PCDHA5: variants seen among roughly 807,000 people sequenced by gnomAD.
PCDHA5 encodes the protein protocadherin alpha-5.
Under a neutral mutation model 61.6 loss-of-function variants are expected in PCDHA5, and 43 were observed. That is an observed-to-expected ratio of 0.70 (90% confidence interval 0.55 to 0.90). PCDHA5 has a LOEUF of 0.90. Ranked by LOEUF, PCDHA5 falls within the 40% of genes least tolerant of loss-of-function variation. The pLI is 0.00. For missense variants in PCDHA5, 1,298 were observed against 1,222.7 expected, an observed-to-expected ratio of 1.06 and a Z score of -0.92; for synonymous variants, 627 against 543.9, an observed-to-expected ratio of 1.15 and a Z score of -2.13.
intron 3 of PCDHA5, among the ~76,000 whole-genome samples, chr5:140,993,036 GTCA>G (rs1415732601): frequency 6.6e-6 from 1 of 152,182 alleles, no homozygotes; most frequent in Non-Finnish European, 1.5e-5. Flanking sequence ...GGCTCCGTGT[GTCA>G]TCAAGATGTC....
At chr5:140,828,699 A>C (rs2150158011) in intron 1 of PCDHA5, 16 of 1,614,132 alleles carry the variant, frequency 9.9e-6, no homozygotes, top group Non-Finnish European at 1.4e-5. Flanking sequence ...TTGGACAGAG[A>C]GGAAGCTCCT....
At chr5:140,928,074 C>T (rs781992001) in intron 1 of PCDHA5, 1 of 1,614,216 alleles carries the variant, frequency 6.2e-7, no homozygotes, top group Admixed American at 1.7e-5. Flanking sequence ...TTGACAACTA[C>T]TACAGCCTGC....
chr5:140,941,373 G>A (rs576282436), intron 1 of PCDHA5, among the ~76,000 whole-genome samples: 2 of 134,082 alleles, frequency 1.5e-5, no homozygotes, highest in South Asian at 5.1e-4. Flanking sequence ...CTGGAGTGTA[G>A]TGACAGGATT....
chr5:140,908,836 T>C (rs1206116511), intron 1 of PCDHA5, among the ~76,000 whole-genome samples: 4 of 152,200 alleles, frequency 2.6e-5, no homozygotes, highest in African/African-American at 9.7e-5. Flanking sequence ...ATAAATGGGC[T>C]GGAGTAACAT....
chr5:140,990,686 G>A (rs1391341936), intron 3 of PCDHA5, among the ~76,000 whole-genome samples: 1 of 152,124 alleles, frequency 6.6e-6, no homozygotes, highest in Admixed American at 6.5e-5. Context: ...AGCTGCTTTC[G>A]GAGAGTCCAG....
intron 1 of PCDHA5, among the ~76,000 whole-genome samples, chr5:140,938,848 G>T (rs1554212426): frequency 6.6e-6 from 1 of 151,980 alleles, no homozygotes; most frequent in Non-Finnish European, 1.5e-5. Flanking sequence ...ACCTGCCCAT[G>T]TACCCCTGAA....
At chr5:140,994,178 A>G (rs2097601690) in intron 3 of PCDHA5, among the ~76,000 whole-genome samples, 1 of 152,226 alleles carries the variant, frequency 6.6e-6, no homozygotes, top group Admixed American at 6.5e-5. Context: ...AAGCTGGGAC[A>G]AACCACCAGG....
intron 1 of PCDHA5, among the ~76,000 whole-genome samples, chr5:140,956,583 C>T (rs155799): frequency 0.28 from 42,736 of 152,052 alleles, 6,865 homozygotes; most frequent in East Asian, 0.53. Context: ...TGCATTGATG[C>T]TTATCAGGGA....
chr5:140,836,316 C>T (rs2150257543), intron 1 of PCDHA5: 5 of 1,613,630 alleles, frequency 3.1e-6, no homozygotes, highest in Non-Finnish European at 4.2e-6. Context: ...CGCACCGCGC[C>T]ACCGCCTTCT....
chr5:140,833,169 G>A (rs2150206852), intron 1 of PCDHA5, among the ~76,000 whole-genome samples: 2 of 152,190 alleles, frequency 1.3e-5, no homozygotes, highest in Admixed American at 6.6e-5. Flanking sequence ...AGTATTAACG[G>A]AAGATGACTG....
chr5:140,841,156 C>T (rs1399343439), intron 1 of PCDHA5: 2 of 850,602 alleles, frequency 2.4e-6, no homozygotes, highest in East Asian at 2.7e-5. Context: ...CGCTGTCTAC[C>T]AAGAAGTTCT....
Position 140,823,635 on chromosome 5 carries a change from G to A in PCDHA5, c.1860G>A (p.Pro620=), listed in dbSNP as rs2150127703. The part of the protein sequence containing the change: ...LQPAPGSARI[P]FRVGLYTGEI... ...CAGCGCCTGGCAGTGCGCGCATCCC[G>A]TTCCGCGTGGGGCTGTACACAGGCG... Residue 620 remains proline, a synonymous_variant, in exon 1 of 4, where the codon CCG becomes CCA. Transcript: ENST00000529859. 1.9e-6 allele frequency: 3 copies of A among 1,613,956 alleles called. No homozygotes were observed. The highest frequency in any genetic ancestry group is 2.2e-5 in the East Asian group (1 of 44,878).
chr5:140,871,143 G>C (rs2052747767), intron 1 of PCDHA5: 1 of 1,613,356 alleles, frequency 6.2e-7, no homozygotes, highest in South Asian at 1.1e-5. Context: ...CCTCTTCCCG[G>C]ACTTTGGCGG....
chr5:140,945,800 C>T (rs1411676680), intron 1 of PCDHA5, among the ~76,000 whole-genome samples: 1 of 152,026 alleles, frequency 6.6e-6, no homozygotes, highest in African/African-American at 2.4e-5. Flanking sequence ...TGAAACTAGA[C>T]CCTTATCTCA....
chr5:140,990,895 G>A (rs550774822), intron 3 of PCDHA5, among the ~76,000 whole-genome samples: 15 of 152,284 alleles, frequency 9.9e-5, no homozygotes, highest in Non-Finnish European at 1.9e-4. Flanking sequence ...GTGGGTCGTT[G>A]CTGGGTCAAG....
intron 1 of PCDHA5, chr5:140,862,565 A>G: frequency 2.1e-6 from 1 of 478,016 alleles, no homozygotes; most frequent in Non-Finnish European, 4.3e-6. Context: ...GTGAACCACA[A>G]TGCCCTGGCG....
rs2150466596 is a variant in PCDHA5 at position 140,850,091 on chromosome 5, G to A, written c.2352+25964G>A. 5 of 1,596,604 alleles carry A rather than the reference G, an allele frequency of 3.1e-6. No individual in the cohort carries two copies. In the African/African-American group the frequency reaches 5.4e-5, roughly 17 times the overall value. On this transcript the variant is annotated intron_variant, in intron 1 of 3. Coordinates refer to ENST00000529859, the MANE Select transcript of PCDHA5 (RefSeq NM_018908.3). ...ACCACGAGGAGCTGGAGCTGCTACA[G>A]TTCCAGGTGAGCGCGCGCGACGCGG...
intron 1 of PCDHA5, among the ~76,000 whole-genome samples, chr5:140,951,315 C>A (rs782114634): frequency 6.6e-6 from 1 of 151,988 alleles, no homozygotes; most frequent in Non-Finnish European, 1.5e-5. Context: ...ATGTGTTATT[C>A]TTGAGATTCA....
chr5:140,949,685 G>A (rs1044878374), intron 1 of PCDHA5, among the ~76,000 whole-genome samples: 4 of 151,794 alleles, frequency 2.6e-5, no homozygotes, highest in East Asian at 1.9e-4. Flanking sequence ...TTGTTGAAGC[G>A]TATTGTTGGA....
Sources: gnomAD v4.1 joint callset for allele counts (sites outside exome capture counted in the v4.1 genomes callset) on GRCh38, gnomAD v4.1.1 for gene constraint, MANE v1.5 for transcripts, NCBI Gene and HGNC (gene_info 2026-07-23, HGNC 2026-07-21) for gene names.